The following ITPK1 variants were observed in gnomAD, a reference collection of about 807,000 sequenced individuals.
The protein encoded by ITPK1 is inositol 1,3,4-trisphosphate 5/6-kinase.
Under a neutral mutation model 45.3 loss-of-function variants are expected in ITPK1, and 21 were observed. That is an observed-to-expected ratio of 0.46 (90% CI 0.33 to 0.67). The LOEUF (loss-of-function observed/expected upper bound fraction) is 0.67, where lower values mean the gene tolerates loss of function less well. Among genes scored for constraint, ITPK1 ranks in the 30% least tolerant of loss-of-function variants. ITPK1 has a pLI of 0.02. For synonymous variants in ITPK1, 258 were observed against 253.6 expected, an observed-to-expected ratio of 1.02 and a Z score of -0.16; for missense variants, 474 against 573.5, an observed-to-expected ratio of 0.83 and a Z score of 1.77.
In ITPK1 at chr14:92,962,463, G is replaced by A. The variant is rs929522478; in HGVS notation, c.464-68C>T. On this transcript the variant is annotated intron_variant, in intron 6 of 10. Transcript: ENST00000267615. ...CGTTCACCCACAAGGCAGGTACTTG[G>A]CACGTCTAGAAAGGAACTCTAGCTG... 4.7e-6 allele frequency: 5 copies of A among 1,071,078 alleles called. No individual in the cohort carries two copies. The African/African-American group carries it at 7.8e-5, about 17-fold the overall frequency. 66.3% of individuals were successfully genotyped at this position (1,071,078 alleles called of 1,614,324 possible).
intron 10 of ITPK1, among the ~76,000 whole-genome samples, chr14:92,943,114 GC>G (rs780584921): frequency 9.8e-5 from 15 of 152,360 alleles, no homozygotes; most frequent in Admixed American, 4.6e-4. Context: ...GGCTATTCTG[GC>G]CGGCAAGCGG....
intron 3 of ITPK1, among the ~76,000 whole-genome samples, chr14:93,043,760 C>T (rs1439696382): frequency 1.3e-5 from 2 of 152,206 alleles, no homozygotes; most frequent in Admixed American, 6.5e-5. Flanking sequence ...CCCAGGCCAC[C>T]GTTCTCCTTC....
At chr14:92,999,461 C>T (rs1295610018) in intron 4 of ITPK1, among the ~76,000 whole-genome samples, 4 of 152,228 alleles carry the variant, frequency 2.6e-5, no homozygotes, top group South Asian at 2.1e-4. Context: ...GAGCGCCGAG[C>T]GGGTACCATG....
chr14:93,072,400 G>A (rs1891050397), intron 3 of ITPK1, among the ~76,000 whole-genome samples: 1 of 151,880 alleles, frequency 6.6e-6, no homozygotes, highest in African/African-American at 2.4e-5. Context: ...ATTATTTCAT[G>A]AATTCTCAGA....
intron 5 of ITPK1, among the ~76,000 whole-genome samples, chr14:92,967,378 T>G (rs957692417): frequency 1.3e-5 from 2 of 152,330 alleles, no homozygotes; most frequent in Admixed American, 6.5e-5. Context: ...ACTTTACACC[T>G]ACCAGGATGA....
In ITPK1 at chr14:92,958,917, A is replaced by G. The variant is rs543811184; in HGVS notation, c.505-551T>C. Among the ~76,000 whole-genome samples, 7 of 152,322 alleles carry G rather than the reference A, an allele frequency of 4.6e-5. No individual in the cohort carries two copies. The highest frequency in any genetic ancestry group is 4.6e-4 in the Admixed American group (7 of 15,310). On this transcript the variant is annotated intron_variant, in intron 7 of 10. Coordinates refer to ENST00000267615, the MANE Select transcript of ITPK1 (RefSeq NM_014216.6). This position sits in a 1 kb window ranked among gnomAD's most constrained non-coding sequence, Gnocchi z 4.4. ...CTCACAATGCACATCTGAGGTGAGC[A>G]TACAACCTTTCACAGATGAGGACGA...
chr14:93,115,326 G>T, intron 1 of ITPK1, 21 bp from the exon 2 acceptor site: 2 of 301,452 alleles, frequency 6.6e-6, no homozygotes, highest in South Asian at 1.5e-4. Context: ...GAGCGGAGCG[G>T]GGCGGGGCGC....
chr14:93,053,105 T>C (rs942431911), intron 3 of ITPK1, among the ~76,000 whole-genome samples: 2 of 151,916 alleles, frequency 1.3e-5, no homozygotes, highest in Non-Finnish European at 2.9e-5. Context: ...TGTGCACATG[T>C]ACCCTAAAAC....
At chr14:93,096,655 G>T (rs928375660) in intron 2 of ITPK1, among the ~76,000 whole-genome samples, 5 of 152,210 alleles carry the variant, frequency 3.3e-5, no homozygotes, top group African/African-American at 1.2e-4. Context: ...GAGCGCAGGA[G>T]CTAGTCCTGG....
chr14:93,060,776 G>A (rs1222303194), intron 3 of ITPK1, among the ~76,000 whole-genome samples: 1 of 152,178 alleles, frequency 6.6e-6, no homozygotes, highest in African/African-American at 2.4e-5. Context: ...AGAGTGATTG[G>A]TGCTTGGAGC....
intron 3 of ITPK1, among the ~76,000 whole-genome samples, chr14:93,028,226 T>C (rs1888847327): frequency 6.6e-6 from 1 of 152,202 alleles, no homozygotes; most frequent in South Asian, 2.1e-4. Context: ...ACCCCATTCA[T>C]GTGGCTGACG....
chr14:92,976,138 A>G (rs115003739), intron 5 of ITPK1, among the ~76,000 whole-genome samples: 1,750 of 152,316 alleles, frequency 0.011, 38 homozygotes, highest in African/African-American at 0.04. Context: ...ATGTCCTTAT[A>G]GCAGTGTGAG....
At chr14:93,035,548 G>A (rs1889278735) in intron 3 of ITPK1, among the ~76,000 whole-genome samples, 1 of 148,560 alleles carries the variant, frequency 6.7e-6, no homozygotes, top group Non-Finnish European at 1.5e-5. Context: ...GGAATGGGAG[G>A]TCAACAAATG....
chr14:93,076,767 A>G lies in ITPK1; in HGVS notation c.96-148T>C, dbSNP rs549214006. The G allele has an allele frequency of 1.6e-5, 14 of 866,066 alleles. No individual in the cohort carries two copies. In the East Asian group the frequency reaches 3.5e-4, roughly 22 times the overall value. 53.6% of individuals were successfully genotyped at this position (866,066 alleles called of 1,614,324 possible). ...GCGCCTCTCCTGCTACTGTCCCAGA[A>G]CAGCCATGCCTTCCACTCCCAGCCA... is the stretch of plus-strand genomic sequence containing the variant. On this transcript the variant is annotated intron_variant, in intron 2 of 10. Coordinates refer to ENST00000267615, the MANE Select transcript of ITPK1 (RefSeq NM_014216.6). This position sits in a 1 kb window ranked among gnomAD's most constrained non-coding sequence, Gnocchi z 4.3.
At chr14:93,090,937 C>T (rs1358457275) in intron 2 of ITPK1, among the ~76,000 whole-genome samples, 2 of 152,156 alleles carry the variant, frequency 1.3e-5, no homozygotes, top group Admixed American at 1.3e-4. Context: ...AAGCCAGAGG[C>T]CCCCATCATC....
Position 93,016,635 on chromosome 14 carries a change from C to A in ITPK1, c.246+41G>T, listed in dbSNP as rs771267583. The A allele has an allele frequency of 6.2e-7, 1 of 1,604,438 alleles. No homozygotes were observed. The highest frequency in any genetic ancestry group is 1.7e-5 in the Admixed American group (1 of 59,758). On this transcript the variant is annotated intron_variant, in intron 4 of 10. Transcript: ENST00000267615. The surrounding 1 kb of genome is among the most constrained non-coding windows in gnomAD (Gnocchi z 5.0). ...CATTCCAGGGCCTCCCCTCCTCCTC[C>A]TGAAAATGCCACAGCCAAGGGCTGC...
intron 5 of ITPK1, among the ~76,000 whole-genome samples, chr14:92,973,836 A>G (rs976110182): frequency 1.3e-5 from 2 of 152,196 alleles, no homozygotes; most frequent in African/African-American, 4.8e-5. Flanking sequence ...GGTGGTCCCA[A>G]TCTGAAGGGA....
Position 93,016,588 on chromosome 14 carries a change from C to G in ITPK1, c.246+88G>C. On this transcript the variant is annotated intron_variant, in intron 4 of 10. Coordinates refer to ENST00000267615, the MANE Select transcript of ITPK1 (RefSeq NM_014216.6). This position sits in a 1 kb window ranked among gnomAD's most constrained non-coding sequence, Gnocchi z 5.0. ...AGACTATACCTCCAGAGAGCTGCTA[C>G]CGCCCTAAATACACACACGGCCATT... 1 of 1,444,466 alleles carries G rather than the reference C, an allele frequency of 6.9e-7. No homozygotes were observed. The highest frequency in any genetic ancestry group is 9.6e-7 in the Non-Finnish European group (1 of 1,046,534). The allele number at this position is 1,444,466 out of a possible 1,614,324, so 89.5% of individuals were successfully genotyped here. A position where few individuals can be genotyped will look rare whatever the true frequency, so the allele number is the denominator to read the frequency against.
rs933858758 is a variant in ITPK1 at position 93,028,115 on chromosome 14, A to G, written c.121-11314T>C. ...CCTGGTTCCCTTGCACACGCACAGG[A>G]GCCACAGGACGCGTCCTGGCCAACA... On this transcript the variant is annotated intron_variant, in intron 3 of 10. Transcript: ENST00000267615. Among the ~76,000 whole-genome samples the G allele has an allele frequency of 2.0e-5, 3 of 152,226 alleles. No individual in the cohort carries two copies. In the East Asian group the frequency reaches 5.8e-4, roughly 29 times the overall value.
Sources: gnomAD v4.1 joint callset for allele counts (sites outside exome capture counted in the v4.1 genomes callset) on GRCh38, gnomAD v4.1.1 for gene constraint, Gnocchi (gnomAD v3.1) non-coding constraint, MANE v1.5 for transcripts, NCBI Gene and HGNC (gene_info 2026-07-23, HGNC 2026-07-21) for gene names.